MGST2: variants seen among roughly 807,000 people sequenced by gnomAD.
MGST2 encodes the protein microsomal glutathione S-transferase 2.
In MGST2, 9 loss-of-function variants were observed where a neutral mutation model predicts 16.6. The observed-to-expected ratio is 0.54, with a 90% confidence interval of 0.33 to 0.95. The LOEUF (loss-of-function observed/expected upper bound fraction) is 0.95. Among genes scored for constraint, MGST2 ranks in the 40% least tolerant of loss-of-function variants. MGST2 has a pLI of 0.03. For missense variants in MGST2, 159 were observed against 175.1 expected, an observed-to-expected ratio of 0.91 and a Z score of 0.52; for synonymous variants, 79 against 68.0, an observed-to-expected ratio of 1.16 and a Z score of -0.79.
chr4:139,711,060 T>C (rs1311046037), intron 5 of MGST2, among the ~76,000 whole-genome samples: 1 of 151,568 alleles, frequency 6.6e-6, no homozygotes, highest in Admixed American at 6.6e-5. Flanking sequence ...GTCACCCTGG[T>C]TGGAGTGCAG....
At chr4:139,666,506 A>G (rs1579279114) in intron 1 of MGST2, among the ~76,000 whole-genome samples, 2 of 152,292 alleles carry the variant, frequency 1.3e-5, no homozygotes, top group Middle Eastern at 6.8e-3. Context: ...TTGATGTTTT[A>G]ATTAATGTGT....
intron 2 of MGST2, among the ~76,000 whole-genome samples, chr4:139,686,165 G>T (rs553709780): frequency 6.6e-6 from 1 of 152,166 alleles, no homozygotes. Context: ...GTGTGGTGGG[G>T]TGGGAGCAGG....
chr4:139,673,773 A>G (rs965530520), intron 1 of MGST2, among the ~76,000 whole-genome samples: 6 of 152,178 alleles, frequency 3.9e-5, no homozygotes. Flanking sequence ...TTGAACTCCT[A>G]GTCTCAAGTG....
chr4:139,678,870 G>C (rs570433526), intron 2 of MGST2: 8 of 584,298 alleles, frequency 1.4e-5, no homozygotes, highest in Middle Eastern at 4.7e-4. Context: ...TATATTTACA[G>C]AAAAGGCTGG....
intron 5 of MGST2, among the ~76,000 whole-genome samples, chr4:139,728,236 A>G (rs933848318): frequency 7.9e-5 from 12 of 152,268 alleles, no homozygotes; most frequent in African/African-American, 2.9e-4. Context: ...AACAAAAAAA[A>G]GTTGAGCACT....
intron 2 of MGST2, among the ~76,000 whole-genome samples, chr4:139,692,981 A>G (rs540082495): frequency 6.6e-6 from 1 of 152,386 alleles, no homozygotes; most frequent in Admixed American, 6.5e-5. Context: ...AGGTGCTTTT[A>G]AAACAATCTT....
chr4:139,701,826 G>T (rs972243387), intron 3 of MGST2, among the ~76,000 whole-genome samples: 5 of 152,050 alleles, frequency 3.3e-5, no homozygotes, highest in African/African-American at 1.2e-4. Context: ...AATTGGCCAG[G>T]CCTGGTGGCA....
At chr4:139,724,299 T>C (rs1728380138) in intron 5 of MGST2, among the ~76,000 whole-genome samples, 1 of 152,240 alleles carries the variant, frequency 6.6e-6, no homozygotes, top group African/African-American at 2.4e-5. Context: ...AGCTCACAGT[T>C]CATGATCTAG....
At chr4:139,698,452 CT>C (rs1727053573) in intron 3 of MGST2, 6 of 1,166,684 alleles carry the variant, frequency 5.1e-6, no homozygotes, top group African/African-American at 1.5e-5. Context: ...TTCTTCACCC[CT>C]CCAGTAGAGG....
chr4:139,719,882 A>G, intron 5 of MGST2: 2 of 1,613,968 alleles, frequency 1.2e-6, no homozygotes, highest in Non-Finnish European at 1.7e-6. Flanking sequence ...GACTGTTCCC[A>G]TAAGGCTCTG....
At chr4:139,671,094 G>A (rs929746956) in intron 1 of MGST2, among the ~76,000 whole-genome samples, 3 of 152,080 alleles carry the variant, frequency 2.0e-5, no homozygotes, top group African/African-American at 2.4e-5. Context: ...TGCTGCAGCC[G>A]GCTTTGTTAG....
chr4:139,728,879 T>G (rs1231940662), intron 5 of MGST2, among the ~76,000 whole-genome samples: 1 of 152,192 alleles, frequency 6.6e-6, no homozygotes, highest in Non-Finnish European at 1.5e-5. Flanking sequence ...GCCCTGGGCC[T>G]TCTTTGTGTC....
At chr4:139,701,787 G>A (rs910414225) in intron 3 of MGST2, among the ~76,000 whole-genome samples, 1 of 151,820 alleles carries the variant, frequency 6.6e-6, no homozygotes, top group African/African-American at 2.4e-5. Context: ...AACATAGGGA[G>A]GCCTTTTCTC....
In MGST2 at chr4:139,725,901, C is replaced by T. The variant is rs11941741; in HGVS notation, c.*49-14311C>T. On this transcript the variant is annotated intron_variant, in intron 5 of 5. Transcript: ENST00000616265. The stretch of plus-strand genomic sequence containing the variant: ...GGGAGCAAGCACACAATTCAATATC[C>T]CAGCAGTTCCGAGGAAGGTAGTGTT... 15,251 of 1,329,818 alleles carry T rather than the reference C, an allele frequency of 0.011. 869 individuals carry two copies. In the African/African-American group the frequency reaches 0.15, roughly 13 times the overall value. 82.4% of individuals were successfully genotyped at this position (1,329,818 alleles called of 1,614,324 possible).
chr4:139,717,527 C>G (rs1326467942), intron 5 of MGST2: 1 of 152,354 alleles, frequency 6.6e-6, no homozygotes, highest in Non-Finnish European at 1.5e-5. Flanking sequence ...GCACCTCTGG[C>G]CTTACATCCT....
downstream of MGST2, among the ~76,000 whole-genome samples, chr4:139,707,968 A>G (rs1334999842): frequency 3.3e-5 from 5 of 151,906 alleles, no homozygotes; most frequent in Admixed American, 1.3e-4. Context: ...CCTTTGTCAG[A>G]TGAGTAGGTT....
In MGST2 at chr4:139,719,695, C is replaced by T. The variant is rs151251850; in HGVS notation, c.*48+15499C>T. 16 of 1,613,540 alleles carry T rather than the reference C, an allele frequency of 9.9e-6. No homozygotes were observed. The East Asian group carries it at 2.2e-4, about 22-fold the overall frequency. On this transcript the variant is annotated intron_variant, in intron 5 of 5. Coordinates refer to the MGST2 transcript ENST00000616265. ...CTGGGTTGAGGGTCCTCACTGTGCCCGTGTTAGCATCCACGACTGACTGGC... is the reference window on the plus strand; with the variant it reads ...CTGGGTTGAGGGTCCTCACTGTGCCTGTGTTAGCATCCACGACTGACTGGC...
At chr4:139,739,920 G>C (rs1185960770) in intron 5 of MGST2, among the ~76,000 whole-genome samples, 2 of 151,910 alleles carry the variant, frequency 1.3e-5, no homozygotes, top group Non-Finnish European at 2.9e-5. Context: ...GTTCAAGAGG[G>C]GCCCAGGTTA....
At chr4:139,721,122 C>G (rs1421225855) in intron 5 of MGST2, among the ~76,000 whole-genome samples, 2 of 152,210 alleles carry the variant, frequency 1.3e-5, no homozygotes, top group African/African-American at 4.8e-5. Context: ...CAGCAAAGTC[C>G]ATTCCTTCAA....
Sources: allele counts gnomAD v4.1 joint callset (sites outside exome capture counted in the v4.1 genomes callset), GRCh38; gene constraint gnomAD v4.1.1; transcripts MANE v1.5; gene names NCBI Gene and HGNC (gene_info 2026-07-23, HGNC 2026-07-21).